Variants in RAB38 observed in about 807,000 individuals in gnomAD.
The protein encoded by RAB38 is ras-related protein Rab-38.
In RAB38, 15 loss-of-function variants were observed where a neutral mutation model predicts 18.4. The observed-to-expected ratio is 0.82, with a 90% CI of 0.55 to 1.26. The LOEUF is 1.26. RAB38 is among the 50% of genes most tolerant of loss of function. The pLI is 0.00. For missense variants in RAB38, 294 were observed against 267.4 expected, an observed-to-expected ratio of 1.10 and a Z score of -0.69; for synonymous variants, 101 against 104.4, an observed-to-expected ratio of 0.97 and a Z score of 0.20.
At chr11:88,038,512 G>A in the RAB38 span, among the ~76,000 whole-genome samples, 1 of 152,108 alleles carries the variant, frequency 6.6e-6, no homozygotes, top group Admixed American at 6.5e-5. Context: ...CAACTAGACT[G>A]AGTTCTTTAA....
the RAB38 span, among the ~76,000 whole-genome samples, chr11:87,957,958 C>T: frequency 2.6e-5 from 4 of 152,122 alleles, no homozygotes; most frequent in Non-Finnish European, 5.9e-5. Flanking sequence ...TTCCAAATAT[C>T]ACTTTCCAAA....
the RAB38 span, among the ~76,000 whole-genome samples, chr11:87,823,125 G>C: frequency 1.3e-5 from 2 of 152,120 alleles, no homozygotes; most frequent in Admixed American, 6.6e-5. Flanking sequence ...AGATAGATTT[G>C]AGTCATGTAA....
chr11:87,857,743 C>T, the RAB38 span, among the ~76,000 whole-genome samples: 1 of 152,000 alleles, frequency 6.6e-6, no homozygotes, highest in African/African-American at 2.4e-5. Context: ...TGTTTGAGTT[C>T]TTTGTAGATT....
the RAB38 span, among the ~76,000 whole-genome samples, chr11:87,833,504 A>C: frequency 6.6e-6 from 1 of 152,236 alleles, no homozygotes; most frequent in Non-Finnish European, 1.5e-5. Flanking sequence ...CACATAACAG[A>C]GTCTCCCCCT....
chr11:87,976,415 ATATT>A, the RAB38 span, among the ~76,000 whole-genome samples: 2 of 136,894 alleles, frequency 1.5e-5, no homozygotes, highest in Non-Finnish European at 1.5e-5. Context: ...ATATTTATAT[ATATT>A]TATATATTAT....
chr11:88,127,603 C>T (rs1156280595), intron 2 of RAB38, among the ~76,000 whole-genome samples: 2 of 152,100 alleles, frequency 1.3e-5, no homozygotes, highest in African/African-American at 4.8e-5. Flanking sequence ...AGTGCTACCC[C>T]CATTTTTATC....
At chr11:88,039,811 C>G in the RAB38 span, among the ~76,000 whole-genome samples, 2 of 152,138 alleles carry the variant, frequency 1.3e-5, no homozygotes, top group African/African-American at 4.8e-5. Flanking sequence ...GAACTATGAC[C>G]TTTTAAGTCC....
At chr11:88,173,407 C>A (rs2134862148) in intron 1 of RAB38, among the ~76,000 whole-genome samples, 1 of 152,290 alleles carries the variant, frequency 6.6e-6, no homozygotes, top group Admixed American at 6.5e-5. Flanking sequence ...GGTTAGAGAA[C>A]TTACCTAAGA....
chr11:88,136,909 T>C (rs996147327), intron 2 of RAB38, among the ~76,000 whole-genome samples: 1 of 152,192 alleles, frequency 6.6e-6, no homozygotes, highest in African/African-American at 2.4e-5. Flanking sequence ...CCAAGTCAAA[T>C]TCTGGTTTAT....
chr11:88,069,302 G>A, the RAB38 span, among the ~76,000 whole-genome samples: 2 of 152,218 alleles, frequency 1.3e-5, no homozygotes, highest in Admixed American at 1.3e-4. Flanking sequence ...GCAGGGCTCA[G>A]GACCTGCAGC....
chr11:87,818,073 T>A, the RAB38 span, among the ~76,000 whole-genome samples: 10 of 152,168 alleles, frequency 6.6e-5, no homozygotes, highest in African/African-American at 2.2e-4. Context: ...AAGCTTTGCA[T>A]TTGTCAGAAT....
the RAB38 span, among the ~76,000 whole-genome samples, chr11:87,977,921 G>T: frequency 1.0e-4 from 11 of 109,118 alleles, no homozygotes; most frequent in Non-Finnish European, 1.7e-4. Context: ...ACATAAATAT[G>T]TAGTGACACC....
chr11:88,052,935 T>TTTCATATATATATATATATATATC, the RAB38 span, among the ~76,000 whole-genome samples: 3 of 85,790 alleles, frequency 3.5e-5, no homozygotes, highest in Non-Finnish European at 6.2e-5. Flanking sequence ...TATATATATA[T>TTTCATATATATATATATATATATC]ATATATATAA....
At chr11:88,013,191 C>T in the RAB38 span, among the ~76,000 whole-genome samples, 1 of 143,030 alleles carries the variant, frequency 7.0e-6, no homozygotes, top group African/African-American at 2.4e-5. Flanking sequence ...TAATAGTTAT[C>T]TAATCTCAGA....
intron 2 of RAB38, among the ~76,000 whole-genome samples, chr11:88,117,315 A>G (rs1005998359): frequency 6.6e-6 from 1 of 152,236 alleles, no homozygotes; most frequent in Admixed American, 6.5e-5. Flanking sequence ...TAGCAAAAGC[A>G]TAAAAAGGTT....
At chr11:88,029,205 G>T in the RAB38 span, among the ~76,000 whole-genome samples, 1 of 152,006 alleles carries the variant, frequency 6.6e-6, no homozygotes, top group Admixed American at 6.6e-5. Flanking sequence ...CACCAGGCCT[G>T]CCCTAAAAGA....
the RAB38 span, among the ~76,000 whole-genome samples, chr11:87,876,726 C>T: frequency 6.6e-6 from 1 of 151,442 alleles, no homozygotes; most frequent in Non-Finnish European, 1.5e-5. Flanking sequence ...TTATGAAATT[C>T]TAGTGAGGCC....
chr11:88,032,128 G>A, the RAB38 span, among the ~76,000 whole-genome samples: 2 of 151,804 alleles, frequency 1.3e-5, no homozygotes, highest in Non-Finnish European at 2.9e-5. Context: ...AAGCAATGGG[G>A]AAATGATTCC....
At chr11:88,153,822 T>G (rs1042438031) in intron 1 of RAB38, among the ~76,000 whole-genome samples, 1 of 152,098 alleles carries the variant, frequency 6.6e-6, no homozygotes, top group African/African-American at 2.4e-5. Context: ...TTTCTTTTTT[T>G]CCCCCCAAGA....
Sources: gnomAD v4.1 joint callset for allele counts (sites outside exome capture counted in the v4.1 genomes callset) on GRCh38, gnomAD v4.1.1 for gene constraint, MANE v1.5 for transcripts, NCBI Gene and HGNC (gene_info 2026-07-23, HGNC 2026-07-21) for gene names.